MACROD2: variants seen among roughly 807,000 people sequenced by gnomAD.
MACROD2 encodes the protein ADP-ribose glycohydrolase MACROD2.
A neutral mutation model predicts 70.4 loss-of-function variants in MACROD2; 36 were observed. That is an observed-to-expected ratio of 0.51 (90% CI 0.39 to 0.68). MACROD2 has a LOEUF of 0.68. Ranked by LOEUF, MACROD2 falls within the 30% of genes least tolerant of loss-of-function variation. MACROD2 has a pLI of 0.00. For missense variants in MACROD2, 496 were observed against 538.4 expected, an observed-to-expected ratio of 0.92 and a Z score of 0.78; for synonymous variants, 172 against 178.8, an observed-to-expected ratio of 0.96 and a Z score of 0.30.
At chr20:14,447,439 T>C (rs1245029307) in intron 3 of MACROD2, among the ~76,000 whole-genome samples, 1 of 152,186 alleles carries the variant, frequency 6.6e-6, no homozygotes, top group Non-Finnish European at 1.5e-5. Flanking sequence ...AAATAGCATC[T>C]GCTGTTATTT....
intron 5 of MACROD2, among the ~76,000 whole-genome samples, chr20:15,091,366 AAAAAT>A (rs1228002094): frequency 2.0e-5 from 3 of 152,120 alleles, no homozygotes; most frequent in African/African-American, 7.2e-5. Context: ...AAAAAAAATG[AAAAAT>A]AAAAGTTTTT....
rs1208449143 is a variant in MACROD2, at chr20:14,788,774, T to G, written c.418+103815T>G. 4.2e-3 allele frequency among the ~76,000 whole-genome samples: 596 copies of G among 140,836 alleles called. 8 individuals carry two copies. Among genetic ancestry groups the G allele is most frequent in the African/African-American group, 0.015 (568 of 37,710 alleles). The allele number at this position is 140,836 out of a possible 152,430, so 92.4% of individuals were successfully genotyped here. ...AAACTAGTGGTGGTGTTTTTTTTTTTTTTTTTTTTTTTGAGACAGACTCTT... is the reference window on the plus strand; with the variant it reads ...AAACTAGTGGTGGTGTTTTTTTTTTGTTTTTTTTTTTTGAGACAGACTCTT... On this transcript the variant is annotated intron_variant, in intron 5 of 17. Coordinates refer to ENST00000684519, the MANE Select transcript of MACROD2 (RefSeq NM_001351661.2).
chr20:14,267,098 A>G (rs563728500), intron 3 of MACROD2, among the ~76,000 whole-genome samples: 2 of 152,150 alleles, frequency 1.3e-5, no homozygotes, highest in African/African-American at 2.4e-5. Context: ...ACTACATTAG[A>G]TTATCACTAG....
intron 8 of MACROD2, among the ~76,000 whole-genome samples, chr20:15,840,624 C>T (rs1290579617): frequency 6.6e-6 from 1 of 151,954 alleles, no homozygotes; most frequent in Non-Finnish European, 1.5e-5. Context: ...TATTATAAGC[C>T]CAAAGGCATT....
At chr20:14,140,175 C>T (rs760309352) in intron 3 of MACROD2, among the ~76,000 whole-genome samples, 3 of 152,126 alleles carry the variant, frequency 2.0e-5, no homozygotes, top group Non-Finnish European at 4.4e-5. Context: ...AATAAAAATA[C>T]TGTGACATGA....
intron 5 of MACROD2, among the ~76,000 whole-genome samples, chr20:15,141,607 C>T (rs1449149588): frequency 2.0e-5 from 3 of 152,158 alleles, no homozygotes; most frequent in East Asian, 1.9e-4. Flanking sequence ...ATGTTTAATT[C>T]GTACCTTTCT....
At chr20:14,862,630 AAT>A (rs1180613085) in intron 5 of MACROD2, among the ~76,000 whole-genome samples, 21 of 10,204 alleles carry the variant, frequency 2.1e-3, no homozygotes, top group South Asian at 5.4e-3. Context: ...TATATATATA[AAT>A]ATATATATAA....
chr20:14,340,997 C>A (rs572978255), intron 3 of MACROD2, among the ~76,000 whole-genome samples: 2 of 152,126 alleles, frequency 1.3e-5, no homozygotes, highest in Admixed American at 6.6e-5. Context: ...CACACAGAAG[C>A]CTCAAATCTG....
chr20:15,803,992 C>T (rs1252918712), intron 8 of MACROD2, among the ~76,000 whole-genome samples: 1 of 152,086 alleles, frequency 6.6e-6, no homozygotes, highest in Non-Finnish European at 1.5e-5. Context: ...TTTTAGACTC[C>T]CAAAGAAATG....
chr20:14,602,173 G>T (rs181734109), intron 4 of MACROD2, among the ~76,000 whole-genome samples: 1 of 152,256 alleles, frequency 6.6e-6, no homozygotes, highest in East Asian at 1.9e-4. Flanking sequence ...CAAAGAGAGG[G>T]GTTCTGTAAA....
intron 2 of MACROD2, among the ~76,000 whole-genome samples, chr20:14,025,414 A>G (rs1306187240): frequency 6.6e-6 from 1 of 151,844 alleles, no homozygotes; most frequent in Non-Finnish European, 1.5e-5. Flanking sequence ...TAGCTTTTGA[A>G]TTTGTTTGCT....
intron 7 of MACROD2, among the ~76,000 whole-genome samples, chr20:15,492,726 A>C (rs541674439): frequency 1.3e-5 from 2 of 152,306 alleles, no homozygotes; most frequent in Middle Eastern, 3.4e-3. Flanking sequence ...TAATATTTTT[A>C]TTTTGAGGGT....
At chr20:15,358,417 A>G (rs1195250602) in intron 6 of MACROD2, among the ~76,000 whole-genome samples, 2 of 151,210 alleles carry the variant, frequency 1.3e-5, no homozygotes, top group Non-Finnish European at 2.9e-5. Context: ...GAATAATCCT[A>G]ACTGTTCCTG....
intron 6 of MACROD2, among the ~76,000 whole-genome samples, chr20:15,288,266 T>TG (rs1289246562): frequency 6.6e-6 from 1 of 152,210 alleles, no homozygotes; most frequent in East Asian, 1.9e-4. Flanking sequence ...TCCATGCCTC[T>TG]GCTTTGCTTT....
intron 15 of MACROD2, among the ~76,000 whole-genome samples, chr20:16,021,833 C>T (rs1480258731): frequency 6.6e-6 from 1 of 152,164 alleles, no homozygotes; most frequent in Admixed American, 6.6e-5. Context: ...GTCTTTTATA[C>T]CGCTATTTCT....
At chr20:15,839,731 A>C (rs1364284940) in intron 8 of MACROD2, among the ~76,000 whole-genome samples, 1 of 152,164 alleles carries the variant, frequency 6.6e-6, no homozygotes, top group African/African-American at 2.4e-5. Context: ...TGCTTTGGAT[A>C]ATAACAACAC....
intron 3 of MACROD2, among the ~76,000 whole-genome samples, chr20:14,402,875 T>C (rs1310646135): frequency 6.6e-6 from 1 of 152,188 alleles, no homozygotes; most frequent in Non-Finnish European, 1.5e-5. Context: ...TGTGTTTTCT[T>C]GTTCAAGAAG....
intron 4 of MACROD2, among the ~76,000 whole-genome samples, chr20:14,560,187 T>A (rs983906008): frequency 6.6e-6 from 1 of 151,694 alleles, no homozygotes; most frequent in Non-Finnish European, 1.5e-5. Flanking sequence ...GTAAGATGAT[T>A]AGGATTTCAT....
chr20:14,174,681 C>T (rs2081249343), intron 3 of MACROD2, among the ~76,000 whole-genome samples: 1 of 152,186 alleles, frequency 6.6e-6, no homozygotes, highest in African/African-American at 2.4e-5. Context: ...TGCCCCCTTC[C>T]CAAGGTTTTG....
Sources: gnomAD v4.1 joint callset for allele counts (sites outside exome capture counted in the v4.1 genomes callset) on GRCh38, gnomAD v4.1.1 for gene constraint, MANE v1.5 for transcripts, NCBI Gene and HGNC (gene_info 2026-07-23, HGNC 2026-07-21) for gene names.